SP3: variants seen among roughly 807,000 people sequenced by gnomAD.
SP3 encodes Sp3 transcription factor.
SP3 carries 10 observed loss-of-function variants against 70.3 expected under a neutral mutation model. That is an observed-to-expected ratio of 0.14 (90% CI 0.09 to 0.24). SP3 has a LOEUF of 0.24. Ranked by LOEUF, SP3 falls within the 10% of genes least tolerant of loss-of-function variation. The pLI is 1.00. For synonymous variants in SP3, 402 were observed against 333.5 expected, an observed-to-expected ratio of 1.21 and a Z score of -2.24; for missense variants, 825 against 914.6, an observed-to-expected ratio of 0.90 and a Z score of 1.26.
intron 2 of SP3, chr2:173,964,129 G>A (rs932169774): frequency 4.4e-5 from 16 of 359,580 alleles, no homozygotes; most frequent in Middle Eastern, 7.3e-4. Context: ...GCTGCGCGCC[G>A]GGCCTCCGCC....
At chr2:173,911,518 T>TTA (rs1263574855) in intron 6 of SP3, among the ~76,000 whole-genome samples, 1 of 152,188 alleles carries the variant, frequency 6.6e-6, no homozygotes, top group Non-Finnish European at 1.5e-5. Context: ...CATCACTAAC[T>TTA]TATAGATGCA....
At chr2:173,944,461 T>C (rs2105486210) in intron 4 of SP3, among the ~76,000 whole-genome samples, 1 of 152,252 alleles carries the variant, frequency 6.6e-6, no homozygotes, top group East Asian at 1.9e-4. Flanking sequence ...AGCTGGAGAT[T>C]GCAGTGAGCC....
intron 4 of SP3, among the ~76,000 whole-genome samples, chr2:173,933,658 A>ATATATATATATATG (rs1690132886): frequency 7.0e-6 from 1 of 142,580 alleles, no homozygotes; most frequent in African/African-American, 2.6e-5. Flanking sequence ...ATATATATAT[A>ATATATATATATATG]TATATATATA....
intron 4 of SP3, among the ~76,000 whole-genome samples, chr2:173,924,178 G>A (rs978682780): frequency 6.6e-6 from 1 of 151,934 alleles, no homozygotes; most frequent in African/African-American, 2.4e-5. Context: ...CCTTAGATTT[G>A]GATCATTACT....
rs549935893 is a variant in SP3, at chr2:173,905,396, G to C, written c.*4545C>G. Among the ~76,000 whole-genome samples the C allele has an allele frequency of 2.6e-5, 4 of 152,092 alleles. No individual in the cohort carries two copies. Among genetic ancestry groups the C allele is most frequent in the Admixed American group, 1.3e-4 (2 of 15,282 alleles). ...TATTGTTAGCCTCTTCATGGATGATGAAAATGAGGTTTTAAGGTAAGAAAA... is the reference window on the plus strand; with the variant it reads ...TATTGTTAGCCTCTTCATGGATGATCAAAATGAGGTTTTAAGGTAAGAAAA... On this transcript the variant is annotated 3_prime_UTR_variant, in exon 7 of 7. Transcript: ENST00000310015.
rs1574393137 is a variant in SP3, at chr2:173,908,750, T to C, written c.*1191A>G. On this transcript the variant is annotated 3_prime_UTR_variant, in exon 7 of 7. Transcript: ENST00000310015. ...CAATGTAACTTTATTTTGTACATTT[T>C]TGAATTGAAAATATAAACAATAATT... 1 of 152,420 alleles carries C rather than the reference T, an allele frequency of 6.6e-6. No homozygotes were observed. Among genetic ancestry groups the C allele is most frequent in the Non-Finnish European group, 1.5e-5 (1 of 67,840 alleles). The allele number at this position is 152,420 out of a possible 1,614,324, so 9.4% of individuals were successfully genotyped here.
chr2:173,964,933 C>T (rs1210811533), intron 1 of SP3: 3 of 544,972 alleles, frequency 5.5e-6, no homozygotes, highest in Admixed American at 4.2e-5. Context: ...CCCGGCGGAC[C>T]GGGCCGCCCG....
intron 4 of SP3, 46 bp downstream of exon 4, chr2:173,954,827 T>TA (rs1690825376): frequency 6.4e-7 from 1 of 1,573,098 alleles, no homozygotes; most frequent in Admixed American, 1.8e-5. Context: ...TCCCTCTATG[T>TA]ATTATCACTG....
Position 173,931,954 on chromosome 2 carries a change from C to T in SP3, c.1640-13169G>A, listed in dbSNP as rs145846547. On this transcript the variant is annotated intron_variant, in intron 4 of 6. Transcript: ENST00000310015. The stretch of plus-strand genomic sequence containing the variant: ...CCATATCAGCAATGAGACTGTTTTG[C>T]TTTCTTATCACGTGTTCACTGGACT... Among the ~76,000 whole-genome samples the T allele has an allele frequency of 3.1e-3, 469 of 152,288 alleles. 2 individuals carry two copies. The highest frequency in any genetic ancestry group is 6.8e-3 in the Middle Eastern group (2 of 294).
chr2:173,912,158 TAG>T (rs1689504113), intron 6 of SP3, among the ~76,000 whole-genome samples: 2 of 152,242 alleles, frequency 1.3e-5, no homozygotes, highest in African/African-American at 4.8e-5. Flanking sequence ...CAGTTTCATG[TAG>T]GTTAATCTCA....
At chr2:173,956,428 C>CA (rs1690894808) in intron 3 of SP3, among the ~76,000 whole-genome samples, 196 bp from the exon 4 acceptor site, 1 of 152,178 alleles carries the variant, frequency 6.6e-6, no homozygotes, top group East Asian at 1.9e-4. Flanking sequence ...AAAGACAATT[C>CA]ATCCTATTTG....
chr2:173,951,138 A>G (rs969536368), intron 4 of SP3, among the ~76,000 whole-genome samples: 3 of 152,216 alleles, frequency 2.0e-5, no homozygotes, highest in Admixed American at 6.5e-5. Context: ...CATGACCAAC[A>G]TAAATCCACA....
At chr2:173,943,694 C>T (rs1230237869) in intron 4 of SP3, among the ~76,000 whole-genome samples, 1 of 152,152 alleles carries the variant, frequency 6.6e-6, no homozygotes, top group Non-Finnish European at 1.5e-5. Flanking sequence ...TTGTCTTCAT[C>T]CACTAGAATA....
At position 173,946,374 on chromosome 2, in the gene SP3, C is replaced by T. The variant is rs1690537748; in HGVS notation, c.1639+8499G>A. On this transcript the variant is annotated intron_variant, in intron 4 of 6. Coordinates refer to ENST00000310015, the MANE Select transcript of SP3 (RefSeq NM_003111.5). ...GCCCAAGCTGGTCTTAAACTCCTGG[C>T]CTCAAGCAATTCTCCCACCTCAACC... is the stretch of plus-strand genomic sequence containing the variant. Among the ~76,000 whole-genome samples the T allele has an allele frequency of 2.0e-5, 3 of 151,662 alleles. No individual in the cohort carries two copies. In the South Asian group the frequency reaches 6.2e-4, roughly 32 times the overall value.
In SP3 at chr2:173,955,536, C is replaced by T. The variant is rs755778605; in HGVS notation, c.976G>A (p.Asp326Asn). The T allele has an allele frequency of 3.7e-6, 6 of 1,614,072 alleles. No homozygotes were observed. In the South Asian group the frequency reaches 6.6e-5, roughly 18 times the overall value. Residue 326 changes from aspartate to asparagine, a missense_variant, in exon 4 of 7, where the codon GAT becomes AAT. This residue lies in a region of SP3 where 678 missense variants were observed against 651.6 expected (regional missense o/e 1.04). Transcript: ENST00000310015. The part of the protein sequence containing the change: ...VSPDINETNT[D>N]TDLFVPTSSS... ...GATGTTGGCACAAATAAATCTGTAT[C>T]AGTATTAGTTTCATTAATATCAGGA...
Position 173,911,608 on chromosome 2 carries a change from T to G in SP3, c.2030-1351A>C, listed in dbSNP as rs570893019. On this transcript the variant is annotated intron_variant, in intron 6 of 6. Coordinates refer to ENST00000310015, the MANE Select transcript of SP3 (RefSeq NM_003111.5). ...ACTTATACCCTCTTTGGCCCACTAT[T>G]TCCTACACTTATTTGATCATTGACC... Among the ~76,000 whole-genome samples the G allele has an allele frequency of 2.6e-5, 4 of 152,230 alleles. No homozygotes were observed. In the South Asian group the frequency reaches 8.3e-4, roughly 32 times the overall value.
chr2:173,926,468 C>T (rs950561516), intron 4 of SP3, among the ~76,000 whole-genome samples: 1 of 151,832 alleles, frequency 6.6e-6, no homozygotes, highest in Non-Finnish European at 1.5e-5. Context: ...CCAGAAAAGC[C>T]CTGTCTTTCA....
At chr2:173,926,698 A>T (rs1205018384) in intron 4 of SP3, among the ~76,000 whole-genome samples, 1 of 152,246 alleles carries the variant, frequency 6.6e-6, no homozygotes, top group Non-Finnish European at 1.5e-5. Context: ...ATTAAAAAAA[A>T]TTTTAAGAAT....
intron 3 of SP3, among the ~76,000 whole-genome samples, chr2:173,962,311 T>C (rs1416077421): frequency 6.6e-6 from 1 of 152,248 alleles, no homozygotes; most frequent in Non-Finnish European, 1.5e-5. Flanking sequence ...TTTGTTCCAT[T>C]TGAAATACAA....
Sources: allele counts gnomAD v4.1 joint callset (sites outside exome capture counted in the v4.1 genomes callset), GRCh38; gene constraint gnomAD v4.1.1; regional missense constraint gnomAD v4.1.1; transcripts MANE v1.5; gene names NCBI Gene and HGNC (gene_info 2026-07-23, HGNC 2026-07-21).